Variants in SCFD2 observed in about 807,000 individuals in gnomAD.
The protein encoded by SCFD2 is sec1 family domain-containing protein 2.
Under a neutral mutation model 58.9 loss-of-function variants are expected in SCFD2, and 54 were observed. That is an observed-to-expected ratio of 0.92 (90% CI 0.74 to 1.15). SCFD2 has a LOEUF of 1.15. SCFD2 is among the 50% of genes most tolerant of loss of function. The probability of loss-of-function intolerance (pLI) is 0.00; values close to 1 mark genes in which losing one functional copy is unlikely to be tolerated. For missense variants in SCFD2, 805 were observed against 836.6 expected, an observed-to-expected ratio of 0.96 and a Z score of 0.47; for synonymous variants, 321 against 335.9, an observed-to-expected ratio of 0.96 and a Z score of 0.49.
chr4:53,028,194 C>A (rs1235894520), intron 5 of SCFD2, among the ~76,000 whole-genome samples: 1 of 151,992 alleles, frequency 6.6e-6, no homozygotes, highest in Non-Finnish European at 1.5e-5. Flanking sequence ...TTGCAGTGAG[C>A]AGAGATTGCG....
intron 5 of SCFD2, among the ~76,000 whole-genome samples, chr4:53,028,238 C>A (rs138591801): frequency 6.6e-6 from 1 of 151,684 alleles, no homozygotes; most frequent in Middle Eastern, 3.4e-3. Context: ...CAGAGCAAGA[C>A]CCTGTCTCAA....
chr4:52,914,452 A>G (rs968865652), intron 6 of SCFD2, among the ~76,000 whole-genome samples: 5 of 152,104 alleles, frequency 3.3e-5, no homozygotes, highest in African/African-American at 1.2e-4. Context: ...TCACCTTGAA[A>G]CCAGTCCAAG....
At chr4:53,234,415 T>C (rs749687481) in intron 4 of SCFD2, among the ~76,000 whole-genome samples, 1 of 152,184 alleles carries the variant, frequency 6.6e-6, no homozygotes, top group Non-Finnish European at 1.5e-5. Context: ...TTATTAATTC[T>C]CTCTATAAAT....
At chr4:53,165,930 A>G (rs1024985972) in intron 4 of SCFD2, among the ~76,000 whole-genome samples, 3 of 152,238 alleles carry the variant, frequency 2.0e-5, no homozygotes, top group Non-Finnish European at 2.9e-5. Flanking sequence ...TAAAATATAC[A>G]TAACATAGAA....
At chr4:53,111,517 G>C (rs2148884848) in intron 5 of SCFD2, among the ~76,000 whole-genome samples, 1 of 152,130 alleles carries the variant, frequency 6.6e-6, no homozygotes, top group Non-Finnish European at 1.5e-5. Flanking sequence ...GTAAAAATTA[G>C]AACAAACCAT....
intron 5 of SCFD2, among the ~76,000 whole-genome samples, chr4:52,960,104 T>A (rs1462697639): frequency 6.6e-6 from 1 of 152,186 alleles, no homozygotes; most frequent in Non-Finnish European, 1.5e-5. Flanking sequence ...CACCCTATTA[T>A]CTTCAGTCTT....
chr4:53,060,293 CTGGG>C (rs1560318188), intron 5 of SCFD2, among the ~76,000 whole-genome samples: 1 of 152,044 alleles, frequency 6.6e-6, no homozygotes, highest in African/African-American at 2.4e-5. Context: ...ACGAAGGTAA[CTGGG>C]CTGGGGTAGG....
intron 3 of SCFD2, among the ~76,000 whole-genome samples, chr4:53,299,875 T>A (rs573170431): frequency 6.6e-6 from 1 of 152,200 alleles, no homozygotes; most frequent in African/African-American, 2.4e-5. Context: ...AGAAATAAAA[T>A]CCTTTACACA....
intron 3 of SCFD2, among the ~76,000 whole-genome samples, chr4:53,297,753 T>C (rs533943417): frequency 1.3e-5 from 2 of 152,360 alleles, no homozygotes; most frequent in East Asian, 3.9e-4. Context: ...AAAGCATCGA[T>C]GGTCTTTACA....
At chr4:53,093,843 A>G (rs1353440322) in intron 5 of SCFD2, among the ~76,000 whole-genome samples, 2 of 152,068 alleles carry the variant, frequency 1.3e-5, no homozygotes, top group African/African-American at 4.8e-5. Context: ...TCCAGGAAGA[A>G]TAGCAGGGTG....
At chr4:52,972,978 A>AGACACAAC (rs1721146559) in intron 5 of SCFD2, among the ~76,000 whole-genome samples, 1 of 152,246 alleles carries the variant, frequency 6.6e-6, no homozygotes, top group African/African-American at 2.4e-5. Context: ...ATGAGAACAA[A>AGACACAAC]GACACAACAT....
chr4:53,138,887 G>C (rs1340499186), intron 5 of SCFD2, among the ~76,000 whole-genome samples: 10 of 102,904 alleles, frequency 9.7e-5, no homozygotes, highest in African/African-American at 3.1e-4. Flanking sequence ...TCTCGTCTCC[G>C]TCTCCCCTTT....
At chr4:53,010,289 G>A (rs1176795529) in intron 5 of SCFD2, among the ~76,000 whole-genome samples, 3 of 152,066 alleles carry the variant, frequency 2.0e-5, no homozygotes, top group African/African-American at 4.8e-5. Context: ...TACTTTCTTC[G>A]AATTACTTAA....
At chr4:52,937,568 A>G (rs1214782915) in intron 5 of SCFD2, among the ~76,000 whole-genome samples, 1 of 152,210 alleles carries the variant, frequency 6.6e-6, no homozygotes, top group Admixed American at 6.5e-5. Context: ...CAGTAAGAAC[A>G]TGATGAAATT....
chr4:53,260,339 C>T (rs1003157715), intron 4 of SCFD2, among the ~76,000 whole-genome samples: 3 of 152,126 alleles, frequency 2.0e-5, no homozygotes, highest in African/African-American at 4.8e-5. Flanking sequence ...AACTTTTCCC[C>T]ATTCAGTATA....
intron 7 of SCFD2, among the ~76,000 whole-genome samples, chr4:52,891,708 C>T (rs954208226): frequency 6.6e-6 from 1 of 152,272 alleles, no homozygotes; most frequent in Non-Finnish European, 1.5e-5. Context: ...AGCCAATCAC[C>T]AGAGCCTTGT....
chr4:53,143,041 T>C (rs1176008103), intron 5 of SCFD2, among the ~76,000 whole-genome samples: 5 of 152,206 alleles, frequency 3.3e-5, no homozygotes, highest in African/African-American at 7.2e-5. Flanking sequence ...TTTCTGAGTA[T>C]ACAAATTTTC....
At chr4:53,285,778 GGCCTCCAGCA>G (rs775030052) in intron 3 of SCFD2, among the ~76,000 whole-genome samples, 2 of 152,008 alleles carry the variant, frequency 1.3e-5, no homozygotes, top group Non-Finnish European at 2.9e-5. Flanking sequence ...GTAAGCTGGA[GGCCTCCAGCA>G]GCCCCCACAA....
chr4:52,962,013 A>T (rs1720863031), intron 5 of SCFD2, among the ~76,000 whole-genome samples: 1 of 152,204 alleles, frequency 6.6e-6, no homozygotes. Context: ...AGAAGAGAAG[A>T]TGTTGAGTCC....
Sources: allele counts gnomAD v4.1 joint callset (sites outside exome capture counted in the v4.1 genomes callset), GRCh38; gene constraint gnomAD v4.1.1; transcripts MANE v1.5; gene names NCBI Gene and HGNC (gene_info 2026-07-23, HGNC 2026-07-21).